TEX2: variants seen among roughly 807,000 people sequenced by gnomAD.
The protein encoded by TEX2 is testis-expressed protein 2.
In TEX2, 53 loss-of-function variants were observed where a neutral mutation model predicts 106.9. The ratio of observed to expected loss-of-function variants is 0.50; its 90% CI spans 0.40 to 0.62. TEX2 has a LOEUF of 0.62. Ranked by LOEUF, TEX2 falls within the 20% of genes least tolerant of loss-of-function variation. The probability of loss-of-function intolerance (pLI) is 0.00; values close to 1 mark genes in which losing one functional copy is unlikely to be tolerated. For synonymous variants in TEX2, 523 were observed against 534.8 expected (o/e 0.98, Z 0.30); for missense variants, 1,207 against 1,379.0 (o/e 0.88, Z 1.98).
At chr17:64,155,584 A>G (rs2143621447) in intron 8 of TEX2, 1 of 152,302 alleles carries the variant, frequency 6.6e-6, no homozygotes, top group Admixed American at 6.5e-5. Flanking sequence ...ATACACACAC[A>G]CACACAAAAA....
intron 7 of TEX2, among the ~76,000 whole-genome samples, chr17:64,166,119 A>G (rs2031122497): frequency 6.6e-6 from 1 of 152,186 alleles, no homozygotes; most frequent in Non-Finnish European, 1.5e-5. Context: ...CAGGCACAGA[A>G]GATAAAAACC....
intron 1 of TEX2, among the ~76,000 whole-genome samples, chr17:64,231,467 T>C (rs1391976606): frequency 6.6e-6 from 1 of 152,186 alleles, no homozygotes; most frequent in African/African-American, 2.4e-5. Flanking sequence ...AGGCTGGCCC[T>C]TCACACCACT....
intron 1 of TEX2, among the ~76,000 whole-genome samples, chr17:64,220,754 G>GA (rs2033335429): frequency 6.6e-6 from 1 of 152,166 alleles, no homozygotes; most frequent in African/African-American, 2.4e-5. Flanking sequence ...CTGTTGGTGG[G>GA]AATATAAATT....
intron 1 of TEX2, among the ~76,000 whole-genome samples, chr17:64,248,815 G>T (rs186125445): frequency 6.6e-6 from 1 of 152,208 alleles, no homozygotes; most frequent in East Asian, 1.9e-4. Context: ...AGGGTGGATT[G>T]CTGGAGGTCA....
intron 1 of TEX2, among the ~76,000 whole-genome samples, chr17:64,261,189 G>A (rs1355673537): frequency 2.0e-5 from 3 of 151,988 alleles, no homozygotes; most frequent in Non-Finnish European, 4.4e-5. Flanking sequence ...CAACTAATAT[G>A]GCATATAGAA....
intron 5 of TEX2, among the ~76,000 whole-genome samples, chr17:64,179,857 G>T (rs748695346): frequency 5.3e-5 from 8 of 152,160 alleles, no homozygotes; most frequent in Non-Finnish European, 1.2e-4. Context: ...AATGGACATG[G>T]ATTATTCTCT....
chr17:64,220,227 C>T lies in TEX2; in HGVS notation c.-25-5985G>A, dbSNP rs545551743. Among the ~76,000 whole-genome samples, 15 of 152,238 alleles carry T rather than the reference C, an allele frequency of 9.9e-5. No homozygotes were observed. The East Asian group carries it at 1.5e-3, about 16-fold the overall frequency. The stretch of plus-strand genomic sequence containing the variant: ...ACTCAAGATGGATTAAAGACTTAAA[C>T]GGAAAACCCAAAAACTATAAAAACC... On this transcript the variant is annotated intron_variant, in intron 1 of 11. Transcript: ENST00000584379.
At chr17:64,228,525 C>G (rs951704245) in intron 1 of TEX2, among the ~76,000 whole-genome samples, 5 of 152,168 alleles carry the variant, frequency 3.3e-5, no homozygotes, top group Non-Finnish European at 5.9e-5. Flanking sequence ...CCCTCGCATG[C>G]GCAGTTCACA....
chr17:64,179,769 T>TAA (rs11413860), intron 5 of TEX2, among the ~76,000 whole-genome samples: 101 of 149,560 alleles, frequency 6.8e-4, no homozygotes, highest in Middle Eastern at 3.4e-3. Context: ...GAGTCTCATT[T>TAA]AAAAAAAAAA....
intron 1 of TEX2, among the ~76,000 whole-genome samples, chr17:64,254,545 T>C (rs2034150754): frequency 6.6e-6 from 1 of 152,236 alleles, no homozygotes; most frequent in Admixed American, 6.5e-5. Context: ...TGTTTAATGG[T>C]CTGTTGTACC....
At chr17:64,178,935 A>G (rs1469750320) in intron 5 of TEX2, among the ~76,000 whole-genome samples, 2 of 152,180 alleles carry the variant, frequency 1.3e-5, no homozygotes, top group Non-Finnish European at 2.9e-5. Flanking sequence ...TATGGATTTG[A>G]ATCTGCAGAT....
chr17:64,187,213 C>T (rs183114790), intron 5 of TEX2, among the ~76,000 whole-genome samples: 302 of 152,250 alleles, frequency 2.0e-3, no homozygotes, highest in Non-Finnish European at 3.8e-3. Context: ...AGTCCGTGTC[C>T]GGTTACACTT....
intron 1 of TEX2, among the ~76,000 whole-genome samples, chr17:64,255,278 T>C (rs959967885): frequency 6.6e-6 from 1 of 152,214 alleles, no homozygotes; most frequent in Non-Finnish European, 1.5e-5. Flanking sequence ...CTACTTCTCA[T>C]ACACAAGTCT....
In TEX2 at chr17:64,213,227, G is replaced by A; in HGVS notation, c.991C>T (p.Leu331=). Residue 331 remains leucine, a synonymous_variant, in exon 2 of 12, where the codon CTG becomes TTG. Transcript: ENST00000584379. The surrounding 1 kb of genome is among the most constrained non-coding windows in gnomAD (Gnocchi z 4.4). ...TCCAAGTGCCCATTCAAGCTGGACAGATTGGAGAGTTCTGAAGCACTTGAA... is the reference window on the plus strand; with the variant it reads ...TCCAAGTGCCCATTCAAGCTGGACAAATTGGAGAGTTCTGAAGCACTTGAA... ...LSSSASELSN[L]SSLNGHLESN... 1 of 1,614,204 alleles carries A rather than the reference G, an allele frequency of 6.2e-7. No homozygotes were observed. The highest frequency in any genetic ancestry group is 1.1e-5 in the South Asian group (1 of 91,084).
chr17:64,255,687 T>C (rs112237468), intron 1 of TEX2: 25 of 152,368 alleles, frequency 1.6e-4, no homozygotes, highest in African/African-American at 5.8e-4. Flanking sequence ...CATAGCACTT[T>C]ATTGACTATC....
At chr17:64,227,197 G>C (rs1365685154) in intron 1 of TEX2, among the ~76,000 whole-genome samples, 1 of 148,692 alleles carries the variant, frequency 6.7e-6, no homozygotes, top group Non-Finnish European at 1.5e-5. Context: ...CTGCACTCCA[G>C]CCTGGTGACA....
intron 5 of TEX2, among the ~76,000 whole-genome samples, chr17:64,182,210 T>A (rs1003229077): frequency 6.6e-6 from 1 of 152,104 alleles, no homozygotes; most frequent in African/African-American, 2.4e-5. Flanking sequence ...TTAGGCTAAG[T>A]GAAATAAGTC....
chr17:64,150,077 G>A (rs1409136196), intron 11 of TEX2: 1 of 152,064 alleles, frequency 6.6e-6, no homozygotes, highest in East Asian at 1.9e-4. Flanking sequence ...TAAATAAGAG[G>A]ATTTTTTTAA....
chr17:64,224,757 G>A (rs1555633688), intron 1 of TEX2, among the ~76,000 whole-genome samples: 2 of 152,140 alleles, frequency 1.3e-5, no homozygotes, highest in African/African-American at 4.8e-5. Flanking sequence ...ACTCTGGGAA[G>A]AGTGCCACAT....
Sources: gnomAD v4.1 joint callset for allele counts (sites outside exome capture counted in the v4.1 genomes callset) on GRCh38, gnomAD v4.1.1 for gene constraint, Gnocchi (gnomAD v3.1) non-coding constraint, MANE v1.5 for transcripts, NCBI Gene and HGNC (gene_info 2026-07-23, HGNC 2026-07-21) for gene names.